Variants in ALK observed in about 807,000 individuals in gnomAD.
The protein encoded by ALK is ALK tyrosine kinase receptor.
In ALK, 74 loss-of-function variants were observed where a neutral mutation model predicts 163.1. The ratio of observed to expected loss-of-function variants is 0.45; its 90% CI spans 0.38 to 0.55. ALK has a LOEUF of 0.55. ALK is among the 20% of genes least tolerant of loss of function. The pLI is 0.00. For missense variants in ALK, 2,063 were observed against 2,105.3 expected, an observed-to-expected ratio of 0.98 and a Z score of 0.39; for synonymous variants, 960 against 843.2, an observed-to-expected ratio of 1.14 and a Z score of -2.40.
At chr2:29,320,014 G>A (rs750692721) in intron 7 of ALK, among the ~76,000 whole-genome samples, 3 of 152,246 alleles carry the variant, frequency 2.0e-5, no homozygotes, top group Non-Finnish European at 2.9e-5. Flanking sequence ...ACTAGGGACA[G>A]CCCCCAAGGC....
intron 23 of ALK, among the ~76,000 whole-genome samples, chr2:29,218,667 A>G (rs1051550286): frequency 6.6e-6 from 1 of 151,924 alleles, no homozygotes; most frequent in African/African-American, 2.4e-5. Flanking sequence ...GGGCTCCCAG[A>G]CTCCCTTTGC....
chr2:29,800,382 A>G (rs568530850), intron 1 of ALK, among the ~76,000 whole-genome samples: 1 of 152,356 alleles, frequency 6.6e-6, no homozygotes, highest in African/African-American at 2.4e-5. Context: ...AAGCTCAGGC[A>G]AGGAATGTGA....
At chr2:29,712,583 T>G (rs1267142321) in intron 2 of ALK, among the ~76,000 whole-genome samples, 1 of 152,064 alleles carries the variant, frequency 6.6e-6, no homozygotes. Context: ...CAGAGGTCCT[T>G]TGTGTTTTCC....
chr2:29,546,114 G>A (rs530877130), intron 3 of ALK, among the ~76,000 whole-genome samples: 14 of 152,320 alleles, frequency 9.2e-5, no homozygotes, highest in African/African-American at 3.4e-4. Flanking sequence ...GTATGTCTAT[G>A]TGTGGAGGAG....
chr2:29,723,520 T>G (rs1025335550), intron 1 of ALK, among the ~76,000 whole-genome samples: 16 of 152,208 alleles, frequency 1.1e-4, no homozygotes, highest in African/African-American at 3.6e-4. Flanking sequence ...TATGTCTCCA[T>G]GCCTGGCACA....
intron 11 of ALK, among the ~76,000 whole-genome samples, chr2:29,273,500 T>C (rs1292903396): frequency 1.3e-5 from 2 of 152,220 alleles, no homozygotes. Flanking sequence ...GGCAGGCCCT[T>C]ACTGAGTAAC....
intron 5 of ALK, among the ~76,000 whole-genome samples, chr2:29,376,983 A>C (rs1481798961): frequency 6.6e-6 from 1 of 152,208 alleles, no homozygotes; most frequent in Non-Finnish European, 1.5e-5. Context: ...AAATATTTAT[A>C]CTAGCTACAT....
Position 29,790,912 on chromosome 2 carries a change from T to G in ALK, c.668-73215A>C, listed in dbSNP as rs1287146008. Among the ~76,000 whole-genome samples the G allele has an allele frequency of 2.0e-5, 3 of 152,120 alleles. 1 individual carries two copies. The East Asian group carries it at 5.8e-4, about 29-fold the overall frequency. ...AAATAATCCTTTAAGATCCTATACATTAGACCTGTCACTCCAGGCTGCAGA... is the reference window on the plus strand; with the variant it reads ...AAATAATCCTTTAAGATCCTATACAGTAGACCTGTCACTCCAGGCTGCAGA... On this transcript the variant is annotated intron_variant, in intron 1 of 28. Transcript: ENST00000389048.
intron 4 of ALK, among the ~76,000 whole-genome samples, chr2:29,474,368 C>A (rs908474071): frequency 2.1e-4 from 32 of 152,170 alleles, no homozygotes; most frequent in Admixed American, 7.2e-4. Context: ...TCTTACCTGC[C>A]GGTAAGTGTT....
At chr2:29,753,823 G>A (rs1680441219) in intron 1 of ALK, among the ~76,000 whole-genome samples, 1 of 152,202 alleles carries the variant, frequency 6.6e-6, no homozygotes, top group South Asian at 2.1e-4. Flanking sequence ...TCCAGGCCAT[G>A]AATCTGATGC....
chr2:29,359,056 AT>A (rs1185772661), intron 5 of ALK, among the ~76,000 whole-genome samples: 1 of 152,054 alleles, frequency 6.6e-6, no homozygotes, highest in African/African-American at 2.4e-5. Flanking sequence ...CATTACAACA[AT>A]TGTTAAGAAG....
At position 29,861,161 on chromosome 2, in the gene ALK, G is replaced by T. The variant is rs186781616; in HGVS notation, c.667+58832C>A. 2.0e-5 allele frequency among the ~76,000 whole-genome samples: 3 copies of T among 152,296 alleles called. No homozygotes were observed. The East Asian group carries it at 5.8e-4, about 29-fold the overall frequency. The stretch of plus-strand genomic sequence containing the variant: ...CACTCCAGCCTGAGCGACAGCACAA[G>T]ACCTTGCCTCAAAAAGAAGGAGGAG... On this transcript the variant is annotated intron_variant, in intron 1 of 28. Transcript: ENST00000389048.
chr2:29,881,312 T>C (rs758371983), intron 1 of ALK, among the ~76,000 whole-genome samples: 5 of 151,496 alleles, frequency 3.3e-5, no homozygotes, highest in Non-Finnish European at 7.4e-5. Flanking sequence ...TTACTGGTAT[T>C]GTTCTGCTAA....
At chr2:29,896,778 C>T (rs1406376455) in intron 1 of ALK, among the ~76,000 whole-genome samples, 2 of 152,204 alleles carry the variant, frequency 1.3e-5, no homozygotes, top group African/African-American at 4.8e-5. Context: ...TCACGCACCT[C>T]CACATGATCC....
intron 3 of ALK, among the ~76,000 whole-genome samples, chr2:29,603,245 G>A (rs1383270281): frequency 6.6e-6 from 1 of 152,186 alleles, no homozygotes; most frequent in Non-Finnish European, 1.5e-5. Context: ...CTGAGTTTCA[G>A]CTAATCTTGT....
At chr2:29,389,945 C>A (rs1669122912) in intron 4 of ALK, among the ~76,000 whole-genome samples, 1 of 152,176 alleles carries the variant, frequency 6.6e-6, no homozygotes, top group Admixed American at 6.5e-5. Flanking sequence ...CCATCTGTTG[C>A]ATAAATGTTC....
intron 4 of ALK, among the ~76,000 whole-genome samples, chr2:29,454,343 T>C (rs1392367469): frequency 6.6e-6 from 1 of 152,224 alleles, no homozygotes; most frequent in Non-Finnish European, 1.5e-5. Context: ...TATCTTTCCA[T>C]ATACTTTAAA....
At chr2:29,480,903 C>T (rs897801517) in intron 4 of ALK, among the ~76,000 whole-genome samples, 1 of 151,646 alleles carries the variant, frequency 6.6e-6, no homozygotes, top group African/African-American at 2.4e-5. Context: ...CAGGTCTGGG[C>T]AAGGCCAAAG....
At chr2:29,483,691 C>A (rs1173864567) in intron 4 of ALK, among the ~76,000 whole-genome samples, 5 of 152,148 alleles carry the variant, frequency 3.3e-5, no homozygotes, top group Non-Finnish European at 7.4e-5. Context: ...TACTATTTTT[C>A]ATTTAGGTTT....
Sources: allele counts gnomAD v4.1 joint callset (sites outside exome capture counted in the v4.1 genomes callset), GRCh38; gene constraint gnomAD v4.1.1; transcripts MANE v1.5; gene names NCBI Gene and HGNC (gene_info 2026-07-23, HGNC 2026-07-21).